The following ENTREP2 variants were observed in gnomAD, a reference collection of about 807,000 sequenced individuals.
ENTREP2 encodes the protein endosomal transmembrane epsin interactor 2.
the ENTREP2 span, among the ~76,000 whole-genome samples, chr15:29,232,225 A>G: frequency 9.2e-5 from 14 of 152,188 alleles, no homozygotes; most frequent in African/African-American, 3.4e-4. Flanking sequence ...AAGTACAAAG[A>G]AAGTTTTCTA....
At chr15:29,358,440 T>TG in the ENTREP2 span, among the ~76,000 whole-genome samples, 900 of 152,338 alleles carry the variant, frequency 5.9e-3, 4 homozygotes, top group Middle Eastern at 0.01. Flanking sequence ...CTTGAATCTC[T>TG]GCTCTGAAGA....
the ENTREP2 span, among the ~76,000 whole-genome samples, chr15:29,163,766 C>T: frequency 6.6e-6 from 1 of 152,124 alleles, no homozygotes; most frequent in African/African-American, 2.4e-5. Context: ...AGGAAAACTT[C>T]CCTGGCCTTG....
chr15:29,659,228 T>C, the ENTREP2 span, among the ~76,000 whole-genome samples: 13,215 of 152,214 alleles, frequency 0.087, 887 homozygotes, highest in African/African-American at 0.19. Flanking sequence ...CCCAGCACTT[T>C]GGAAGGCTGA....
At chr15:29,225,444 G>A in the ENTREP2 span, among the ~76,000 whole-genome samples, 3 of 152,372 alleles carry the variant, frequency 2.0e-5, no homozygotes, top group East Asian at 5.8e-4. Context: ...GAACCTTGAA[G>A]ATCTTGTTGC....
the ENTREP2 span, among the ~76,000 whole-genome samples, chr15:29,652,746 C>T: frequency 6.6e-6 from 1 of 152,236 alleles, no homozygotes; most frequent in African/African-American, 2.4e-5. Flanking sequence ...CCTGCTACTT[C>T]AGGAGCCGGC....
chr15:29,409,861 C>G, the ENTREP2 span, among the ~76,000 whole-genome samples: 1 of 152,190 alleles, frequency 6.6e-6, no homozygotes, highest in Non-Finnish European at 1.5e-5. Context: ...TCCACCAACT[C>G]AAGCTGCTAA....
chr15:29,645,636 C>CA, the ENTREP2 span, among the ~76,000 whole-genome samples: 5 of 151,974 alleles, frequency 3.3e-5, no homozygotes, highest in African/African-American at 1.2e-4. Context: ...CGGCTCACTA[C>CA]AAGCTCTGCC....
the ENTREP2 span, among the ~76,000 whole-genome samples, chr15:29,390,406 T>C: frequency 6.6e-6 from 1 of 151,566 alleles, no homozygotes; most frequent in Non-Finnish European, 1.5e-5. Context: ...AAGAGTAACA[T>C]AGAATTAAAT....
the ENTREP2 span, among the ~76,000 whole-genome samples, chr15:29,548,824 C>T: frequency 2.6e-5 from 4 of 152,296 alleles, no homozygotes; most frequent in East Asian, 5.8e-4. Context: ...GGTCTATACA[C>T]TTGTAATATT....
At chr15:29,648,060 A>G in the ENTREP2 span, among the ~76,000 whole-genome samples, 1 of 151,690 alleles carries the variant, frequency 6.6e-6, no homozygotes, top group Non-Finnish European at 1.5e-5. Flanking sequence ...AATCTAAATC[A>G]CAACAGGCCC....
At chr15:29,121,701 C>T in the ENTREP2 span, 5 of 152,230 alleles carry the variant, frequency 3.3e-5, no homozygotes, top group Non-Finnish European at 7.3e-5. Flanking sequence ...TACGTCTCTC[C>T]TGCAAAAGTG....
chr15:29,225,707 G>A, the ENTREP2 span, among the ~76,000 whole-genome samples: 986 of 152,256 alleles, frequency 6.5e-3, 14 homozygotes, highest in African/African-American at 0.023. Context: ...CAACGCCCAC[G>A]GAACCGGGGG....
At chr15:29,475,889 T>C in the ENTREP2 span, among the ~76,000 whole-genome samples, 1 of 152,140 alleles carries the variant, frequency 6.6e-6, no homozygotes, top group Non-Finnish European at 1.5e-5. Context: ...TGGTGACAGG[T>C]CTCCTACTTC....
chr15:29,640,813 T>C, the ENTREP2 span, among the ~76,000 whole-genome samples: 1 of 152,194 alleles, frequency 6.6e-6, no homozygotes, highest in African/African-American at 2.4e-5. Context: ...AAGCCAACAC[T>C]TTCCAACTCT....
chr15:29,131,181 C>T, the ENTREP2 span, among the ~76,000 whole-genome samples: 1 of 152,144 alleles, frequency 6.6e-6, no homozygotes, highest in South Asian at 2.1e-4. Context: ...AAGAGCTCTT[C>T]GTTTGGGGCA....
At chr15:29,556,194 C>G in the ENTREP2 span, among the ~76,000 whole-genome samples, 1 of 152,162 alleles carries the variant, frequency 6.6e-6, no homozygotes, top group African/African-American at 2.4e-5. Context: ...GAGGTTGAGG[C>G]TGCAGTGAGC....
chr15:29,632,068 A>C, the ENTREP2 span, among the ~76,000 whole-genome samples: 1 of 152,362 alleles, frequency 6.6e-6, no homozygotes, highest in Middle Eastern at 3.4e-3. Flanking sequence ...TAGATAAATA[A>C]GGTTTTTCTT....
the ENTREP2 span, among the ~76,000 whole-genome samples, chr15:29,627,265 C>T: frequency 2.6e-5 from 4 of 152,226 alleles, no homozygotes; most frequent in East Asian, 1.9e-4. Context: ...TCATGTTAGG[C>T]CAGGCGTGGT....
the ENTREP2 span, among the ~76,000 whole-genome samples, chr15:29,239,478 C>T: frequency 6.6e-6 from 1 of 151,942 alleles, no homozygotes; most frequent in Non-Finnish European, 1.5e-5. Context: ...GTCAGATCTC[C>T]CAGGGACACC....
Sources: gnomAD v4.1 joint callset for allele counts (sites outside exome capture counted in the v4.1 genomes callset) on GRCh38, gnomAD v4.1.1 for gene constraint, MANE v1.5 for transcripts, NCBI Gene and HGNC (gene_info 2026-07-23, HGNC 2026-07-21) for gene names.